Variants in RALGPS2 observed in about 807,000 individuals in gnomAD.
RALGPS2 encodes the protein ras-specific guanine nucleotide-releasing factor RalGPS2.
A neutral mutation model predicts 86.8 loss-of-function variants in RALGPS2; 43 were observed. That is an observed-to-expected ratio of 0.50 (90% confidence interval 0.39 to 0.64). The LOEUF (loss-of-function observed/expected upper bound fraction) is 0.64. Among genes scored for constraint, RALGPS2 ranks in the 30% least tolerant of loss-of-function variants. RALGPS2 has a pLI of 0.00. For missense variants in RALGPS2, 536 were observed against 694.6 expected, an observed-to-expected ratio of 0.77 and a Z score of 2.57; for synonymous variants, 243 against 231.3, an observed-to-expected ratio of 1.05 and a Z score of -0.46.
chr1:178,779,926 G>A (rs565846560), intron 2 of RALGPS2, among the ~76,000 whole-genome samples: 1 of 152,136 alleles, frequency 6.6e-6, no homozygotes, highest in Non-Finnish European at 1.5e-5. Flanking sequence ...TAGAGATGGG[G>A]TTTCACCTTG....
chr1:178,817,081 C>T (rs1655266802), intron 6 of RALGPS2, among the ~76,000 whole-genome samples: 1 of 151,558 alleles, frequency 6.6e-6, no homozygotes. Flanking sequence ...ATATCTAGGC[C>T]AGGCACAGTG....
At chr1:178,771,445 ATGT>A (rs1429419435) in intron 1 of RALGPS2, among the ~76,000 whole-genome samples, 3 of 152,132 alleles carry the variant, frequency 2.0e-5, no homozygotes, top group African/African-American at 7.2e-5. Context: ...CTTGTCAGTA[ATGT>A]TGTGTCCTTC....
chr1:178,765,361 C>T (rs190424942), intron 1 of RALGPS2, among the ~76,000 whole-genome samples: 214 of 152,042 alleles, frequency 1.4e-3, no homozygotes, highest in African/African-American at 3.7e-3. Flanking sequence ...CTTCACATGT[C>T]GGCAGGTTCC....
At chr1:178,897,499 G>A (rs1052474782) in intron 16 of RALGPS2, among the ~76,000 whole-genome samples, 165 bp from the exon 17 acceptor site, 2 of 152,068 alleles carry the variant, frequency 1.3e-5, no homozygotes, top group Admixed American at 6.6e-5. Context: ...TTACATGGCA[G>A]TGACAGGAGT....
intron 1 of RALGPS2, among the ~76,000 whole-genome samples, chr1:178,771,966 A>G (rs1208436509): frequency 2.0e-5 from 3 of 152,202 alleles, no homozygotes; most frequent in Admixed American, 6.5e-5. Context: ...TTCCAGGTAC[A>G]AGAGATCCTT....
intron 1 of RALGPS2, among the ~76,000 whole-genome samples, chr1:178,735,112 G>T (rs945405977): frequency 2.6e-5 from 4 of 152,096 alleles, no homozygotes; most frequent in Admixed American, 2.0e-4. Flanking sequence ...CAAAAAAAGG[G>T]GATAAATAAT....
At chr1:178,742,190 CAA>C (rs1221142113) in intron 1 of RALGPS2, among the ~76,000 whole-genome samples, 2 of 132,894 alleles carry the variant, frequency 1.5e-5, no homozygotes, top group Non-Finnish European at 3.3e-5. Context: ...ATTAAAAAAA[CAA>C]GAGTTAACCA....
At chr1:178,853,615 G>A in intron 8 of RALGPS2, 1 of 1,595,688 alleles carries the variant, frequency 6.3e-7, no homozygotes, top group Non-Finnish European at 8.5e-7. Flanking sequence ...CCCAATTTCT[G>A]AAGAAGTTGA....
At chr1:178,866,391 A>G (rs1658413647) in intron 8 of RALGPS2, among the ~76,000 whole-genome samples, 1 of 152,182 alleles carries the variant, frequency 6.6e-6, no homozygotes, top group South Asian at 2.1e-4. Context: ...AGATAGTTTT[A>G]GCATCACATG....
At chr1:178,767,770 G>A (rs923841256) in intron 1 of RALGPS2, among the ~76,000 whole-genome samples, 6 of 152,168 alleles carry the variant, frequency 3.9e-5, no homozygotes, top group African/African-American at 1.4e-4. Flanking sequence ...GGGAGGCTGT[G>A]CTTCTCAACA....
At chr1:178,865,270 T>G in intron 8 of RALGPS2, 1 of 1,614,106 alleles carries the variant, frequency 6.2e-7, no homozygotes, top group Non-Finnish European at 8.5e-7. Context: ...TGTATCTTGT[T>G]GCCATCTTCA....
chr1:178,785,360 C>G lies in RALGPS2; in HGVS notation c.163-197C>G, dbSNP rs569330735. Among the ~76,000 whole-genome samples, 10 of 151,642 alleles carry G rather than the reference C, an allele frequency of 6.6e-5. No homozygotes were observed. The East Asian group carries it at 1.9e-3, about 29-fold the overall frequency. ...TTTTAACTTTACACAATTTATCTTCCAAGAAAATATAAATAGACATGAGAT... is the reference window on the plus strand; with the variant it reads ...TTTTAACTTTACACAATTTATCTTCGAAGAAAATATAAATAGACATGAGAT... On this transcript the variant is annotated intron_variant, in intron 3 of 19. Coordinates refer to ENST00000367635, the MANE Select transcript of RALGPS2 (RefSeq NM_152663.5).
intron 6 of RALGPS2, among the ~76,000 whole-genome samples, chr1:178,818,079 G>A (rs1655320831): frequency 6.6e-6 from 1 of 152,156 alleles, no homozygotes; most frequent in Admixed American, 6.5e-5. Flanking sequence ...TGATTTTTCT[G>A]GCTGGGCATG....
intron 9 of RALGPS2, among the ~76,000 whole-genome samples, chr1:178,878,665 C>A (rs551726962): frequency 1.3e-5 from 2 of 152,136 alleles, no homozygotes; most frequent in East Asian, 3.9e-4. Context: ...ATATATGGGA[C>A]TTTATAATTG....
intron 8 of RALGPS2, among the ~76,000 whole-genome samples, chr1:178,839,918 T>C (rs1656500828): frequency 6.6e-6 from 1 of 152,142 alleles, no homozygotes; most frequent in Admixed American, 6.5e-5. Context: ...CATTACATAA[T>C]GGTAAAGGGA....
intron 8 of RALGPS2, among the ~76,000 whole-genome samples, chr1:178,835,392 C>CT (rs71297889): frequency 0.089 from 10,873 of 122,000 alleles, 568 homozygotes; most frequent in East Asian, 0.12. Context: ...TCTTTCTTTT[C>CT]TTTTTTTTTT....
intron 10 of RALGPS2, 23 bp downstream of exon 10, chr1:178,879,015 G>T: frequency 6.2e-7 from 1 of 1,609,970 alleles, no homozygotes; most frequent in Admixed American, 1.7e-5. Flanking sequence ...TTCAAAAGTG[G>T]TTTGTATAAC....
At chr1:178,739,906 T>C (rs1452613286) in intron 1 of RALGPS2, among the ~76,000 whole-genome samples, 1 of 152,224 alleles carries the variant, frequency 6.6e-6, no homozygotes, top group African/African-American at 2.4e-5. Context: ...CCACCTCATC[T>C]GCTTCATTCC....
In RALGPS2 at chr1:178,912,660, G is replaced by A. The variant is rs1002746712; in HGVS notation, c.1723-3670G>A. Among the ~76,000 whole-genome samples, 5 of 151,912 alleles carry A rather than the reference G, an allele frequency of 3.3e-5. No homozygotes were observed. In the South Asian group the frequency reaches 1.0e-3, roughly 32 times the overall value. On this transcript the variant is annotated intron_variant, in intron 19 of 19. Coordinates refer to ENST00000367635, the MANE Select transcript of RALGPS2 (RefSeq NM_152663.5). ...AGAATGTGATGATTAAGTGTCTTGGGGATGCTCATCTTGTATAGTATCTTG... is the reference window on the plus strand; with the variant it reads ...AGAATGTGATGATTAAGTGTCTTGGAGATGCTCATCTTGTATAGTATCTTG...
Sources: gnomAD v4.1 joint callset for allele counts (sites outside exome capture counted in the v4.1 genomes callset) on GRCh38, gnomAD v4.1.1 for gene constraint, MANE v1.5 for transcripts, NCBI Gene and HGNC (gene_info 2026-07-23, HGNC 2026-07-21) for gene names.